The following CCNC variants were observed in gnomAD, a reference collection of about 807,000 sequenced individuals.
CCNC encodes cyclin C.
CCNC carries 19 observed loss-of-function variants against 50.0 expected under a neutral mutation model. That is an observed-to-expected ratio of 0.38 (90% CI 0.27 to 0.56). The LOEUF (loss-of-function observed/expected upper bound fraction) is 0.56, where lower values mean the gene tolerates loss of function less well. Among genes scored for constraint, CCNC ranks in the 20% least tolerant of loss-of-function variants. The pLI is 0.72. For synonymous variants in CCNC, 93 were observed against 103.7 expected (o/e 0.90, Z 0.63); for missense variants, 200 against 327.1 (o/e 0.61, Z 3.00).
chr6:99,549,450 G>T, intron 9 of CCNC, 58 bp downstream of exon 9: 1 of 1,157,918 alleles, frequency 8.6e-7, no homozygotes, highest in Non-Finnish European at 1.3e-6. Flanking sequence ...TTTAGTTTAG[G>T]ATGACCTAAA....
At chr6:99,559,699 T>C (rs1236974793) in intron 4 of CCNC, among the ~76,000 whole-genome samples, 1 of 151,070 alleles carries the variant, frequency 6.6e-6, no homozygotes, top group Admixed American at 6.6e-5. Flanking sequence ...AAAGACTACA[T>C]TCTCTTTCTC....
chr6:99,550,428 G>C, intron 7 of CCNC, 119 bp from the exon 8 acceptor site: 1 of 684,126 alleles, frequency 1.5e-6, no homozygotes, highest in East Asian at 2.8e-5. Context: ...ACTAACTCAT[G>C]CTTGCTTCCC....
At chr6:99,562,726 T>G (rs1802833645) in intron 2 of CCNC, 116 bp downstream of exon 2, 1 of 597,442 alleles carries the variant, frequency 1.7e-6, no homozygotes, top group East Asian at 2.9e-5. Flanking sequence ...AAAGAATACC[T>G]GTATAAGCAA....
intron 9 of CCNC, among the ~76,000 whole-genome samples, chr6:99,548,328 C>G (rs1802152851): frequency 6.6e-6 from 1 of 152,102 alleles, no homozygotes; most frequent in South Asian, 2.1e-4. Context: ...GGGTAGGACA[C>G]CACTCAAAAT....
intron 5 of CCNC, among the ~76,000 whole-genome samples, chr6:99,555,602 T>G (rs538299294): frequency 3.5e-4 from 53 of 152,084 alleles, no homozygotes; most frequent in South Asian, 1.5e-3. Context: ...CCATGCCCAG[T>G]TAGTTTTTCT....
rs140253488 is a variant in CCNC at position 99,551,879 on chromosome 6, T to A, written c.363A>T (p.Ser121=). The part of the protein sequence containing the change: ...AATSVLKTRF[S]YAFPKEFPYR... ...AAGGAAATTCCTTTGGAAAGGCATA[T>A]GAAAATCTAGTTTTTACTGCAGAAA... Residue 121 remains serine (S), a synonymous_variant, in exon 6 of 12, where the codon TCA becomes TCT. Transcript: ENST00000520429. 50 of 1,430,436 alleles carry A rather than the reference T, an allele frequency of 3.5e-5. No individual in the cohort carries two copies. The African/African-American group carries it at 5.7e-4, about 16-fold the overall frequency. The allele number at this position is 1,430,436 out of a possible 1,614,324, so 88.6% of individuals were successfully genotyped here. A position where few individuals can be genotyped will look rare whatever the true frequency, so the allele number is the denominator to read the frequency against.
intron 1 of CCNC, chr6:99,566,845 A>G (rs918555555): frequency 2.6e-6 from 1 of 390,562 alleles, no homozygotes; most frequent in Non-Finnish European, 5.1e-6. Flanking sequence ...TGCATCTTAG[A>G]AGCATGAAAT....
rs539104895 is a variant in CCNC, at chr6:99,549,445, T to A, written c.598+63A>T. 1,513 of 1,119,916 alleles carry A rather than the reference T, an allele frequency of 1.4e-3. 18 individuals carry two copies. The Middle Eastern group carries it at 0.017, about 13-fold the overall frequency. 69.4% of individuals were successfully genotyped at this position (1,119,916 alleles called of 1,614,324 possible). On this transcript the variant is annotated intron_variant, in intron 9 of 11. Coordinates refer to ENST00000520429, the MANE Select transcript of CCNC (RefSeq NM_005190.4). The stretch of plus-strand genomic sequence containing the variant: ...TAAAGTACAATAGGGTGAAATTTAG[T>A]TTAGGATGACCTAAATAAGTTTATA...
At chr6:99,559,297 ACAAC>A (rs1339862377) in intron 4 of CCNC, among the ~76,000 whole-genome samples, 1 of 152,160 alleles carries the variant, frequency 6.6e-6, no homozygotes, top group Non-Finnish European at 1.5e-5. Context: ...TTTCAACTGA[ACAAC>A]CACCATTGTG....
chr6:99,551,312 A>G (rs748574723), intron 6 of CCNC, among the ~76,000 whole-genome samples: 3 of 152,154 alleles, frequency 2.0e-5, no homozygotes, highest in Non-Finnish European at 4.4e-5. Context: ...AATATCCTGT[A>G]AAACCATCAG....
chr6:99,561,302 A>C, intron 4 of CCNC, 65 bp downstream of exon 4: 1 of 1,015,468 alleles, frequency 9.8e-7, no homozygotes, highest in South Asian at 1.3e-5. Flanking sequence ...CCATGTGAAA[A>C]CTGGGGCAGA....
intron 2 of CCNC, chr6:99,562,563 A>G: frequency 3.9e-6 from 1 of 258,758 alleles, no homozygotes; most frequent in South Asian, 6.2e-5. Flanking sequence ...ACTTTGCTTT[A>G]GCCAACCTTG....
intron 5 of CCNC, among the ~76,000 whole-genome samples, chr6:99,554,339 C>T (rs1225415675): frequency 1.3e-5 from 2 of 152,166 alleles, no homozygotes. Flanking sequence ...TGTAAAGTTA[C>T]CTTTTTCCTC....
intron 4 of CCNC, among the ~76,000 whole-genome samples, chr6:99,560,399 T>G (rs1802729428): frequency 6.6e-6 from 1 of 152,192 alleles, no homozygotes; most frequent in African/African-American, 2.4e-5. Context: ...TCAATTGTCA[T>G]TATTTAGGTA....
chr6:99,568,599 CGT>C lies in CCNC; in HGVS notation c.-74_-73del. The C allele has an allele frequency of 1.9e-5, 30 of 1,578,976 alleles. No homozygotes were observed. Among genetic ancestry groups the C allele is most frequent in the Non-Finnish European group, 2.5e-5 (29 of 1,163,836 alleles). On this transcript the variant is annotated 5_prime_UTR_variant, in exon 1 of 12. Transcript: ENST00000520429. ...CCGCGGAGCGACCATAGACCCAGCC[CGT>C]CCGGTAACCGCGCTCCTCGATCAAA...
At chr6:99,563,132 G>GA (rs1460836267) in intron 1 of CCNC, among the ~76,000 whole-genome samples, 184 bp from the exon 2 acceptor site, 2 of 152,128 alleles carry the variant, frequency 1.3e-5, no homozygotes, top group Non-Finnish European at 2.9e-5. Flanking sequence ...AATACGTCCT[G>GA]AAAAAATTCT....
In CCNC at chr6:99,543,294, C is replaced by A; in HGVS notation, c.*261G>T. The A allele has an allele frequency of 3.3e-6, 1 of 301,396 alleles. No individual in the cohort carries two copies. The allele number at this position is 301,396 out of a possible 1,614,324, so 18.7% of individuals were successfully genotyped here. A position where few individuals can be genotyped will look rare whatever the true frequency, so the allele number is the denominator to read the frequency against. ...TAAGAAATATTATACTAATCAAAAG[C>A]TATTAATTTTGAAATGTCTATGTAT... On this transcript the variant is annotated 3_prime_UTR_variant, in exon 12 of 12. Transcript: ENST00000520429.
At chr6:99,568,713 T>C (rs1769271371), upstream of CCNC, 1 of 1,448,372 alleles carries the variant, frequency 6.9e-7, no homozygotes, top group Non-Finnish European at 9.0e-7. Flanking sequence ...CCGACAACAC[T>C]CAACTGTGCA....
intron 10 of CCNC, among the ~76,000 whole-genome samples, chr6:99,545,551 C>G (rs1355682820): frequency 6.6e-6 from 1 of 152,158 alleles, no homozygotes; most frequent in Non-Finnish European, 1.5e-5. Context: ...AGAGCACACT[C>G]CTCTAGTATA....
Sources: allele counts gnomAD v4.1 joint callset (sites outside exome capture counted in the v4.1 genomes callset), GRCh38; gene constraint gnomAD v4.1.1; transcripts MANE v1.5; gene names NCBI Gene and HGNC (gene_info 2026-07-23, HGNC 2026-07-21).